The following NLN variants were observed in gnomAD, a reference collection of about 807,000 sequenced individuals.
The protein encoded by NLN is neurolysin.
In NLN, 64 loss-of-function variants were observed where a neutral mutation model predicts 79.9. The observed-to-expected ratio is 0.80, with a 90% CI of 0.65 to 0.99. NLN has a LOEUF of 0.99. Among genes scored for constraint, NLN ranks in the 50% least tolerant of loss-of-function variants. NLN has a pLI of 0.00. For synonymous variants in NLN, 267 were observed against 296.6 expected (o/e 0.90, Z 1.02); for missense variants, 835 against 858.7 (o/e 0.97, Z 0.34).
At chr5:65,778,188 G>A (rs1192867997) in intron 4 of NLN, among the ~76,000 whole-genome samples, 1 of 152,170 alleles carries the variant, frequency 6.6e-6, no homozygotes, top group Non-Finnish European at 1.5e-5. Flanking sequence ...CTTAAAAGAT[G>A]AGAGATTAGC....
chr5:65,761,218 T>C (rs1230720299), intron 2 of NLN, among the ~76,000 whole-genome samples: 1 of 152,186 alleles, frequency 6.6e-6, no homozygotes, highest in Non-Finnish European at 1.5e-5. Context: ...GCATTTGATG[T>C]TGCTTATATA....
At chr5:65,769,011 G>T (rs1005573141) in intron 3 of NLN, among the ~76,000 whole-genome samples, 3 of 152,230 alleles carry the variant, frequency 2.0e-5, no homozygotes, top group Non-Finnish European at 4.4e-5. Context: ...GGTTAATTTG[G>T]GCTTCCTTAC....
chr5:65,801,072 G>T (rs1451360897), intron 9 of NLN, among the ~76,000 whole-genome samples: 1 of 151,930 alleles, frequency 6.6e-6, no homozygotes, highest in Non-Finnish European at 1.5e-5. Context: ...TGTTTTCTAG[G>T]CTTTTGTTAT....
intron 12 of NLN, 80 bp downstream of exon 12, chr5:65,812,471 A>G (rs1760575440): frequency 2.1e-6 from 2 of 973,866 alleles, no homozygotes; most frequent in South Asian, 1.5e-5. Context: ...TATTGGTCAC[A>G]TCTAGATTTT....
chr5:65,761,703 A>C (rs1759344518), intron 2 of NLN, among the ~76,000 whole-genome samples: 1 of 152,236 alleles, frequency 6.6e-6, no homozygotes, highest in Non-Finnish European at 1.5e-5. Flanking sequence ...ACCGACAGAC[A>C]TAAAATTATT....
chr5:65,788,097 A>G (rs373871307), intron 7 of NLN, 21 bp from the exon 8 acceptor site: 4 of 1,599,996 alleles, frequency 2.5e-6, no homozygotes, highest in African/African-American at 2.7e-5. Context: ...GTAGATCACT[A>G]ACTTTTCCTT....
chr5:65,788,112 T>G lies in NLN; in HGVS notation c.959-6T>G. 2 of 1,608,586 alleles carry G rather than the reference T, an allele frequency of 1.2e-6. No individual in the cohort carries two copies. Among genetic ancestry groups the G allele is most frequent in the Non-Finnish European group, 8.5e-7 (1 of 1,177,976 alleles). The stretch of plus-strand genomic sequence containing the variant: ...GTAGATCACTAACTTTTCCTTTTCC[T>G]TACAGATGATTTAAGCCAGAAGTTA... On this transcript the variant is annotated splice_region_variant and splice_polypyrimidine_tract_variant and intron_variant, in intron 7 of 12. Coordinates refer to ENST00000380985, the MANE Select transcript of NLN (RefSeq NM_020726.5).
rs575399740 is a variant in NLN at position 65,821,179 on chromosome 5, G to A, written c.1981-1602G>A. On this transcript the variant is annotated intron_variant, in intron 12 of 12. Transcript: ENST00000380985. Reference sequence around the variant, plus strand: ...CTCGTCGTCAGGTTTGGGAAGTTCGGTATCAGTGACTGAGTGCCTTCTCTT... The same window carrying A: ...CTCGTCGTCAGGTTTGGGAAGTTCGATATCAGTGACTGAGTGCCTTCTCTT... 2.0e-5 allele frequency among the ~76,000 whole-genome samples: 3 copies of A among 152,230 alleles called. 1 individual carries two copies. The highest frequency in any genetic ancestry group is 7.2e-5 in the African/African-American group (3 of 41,540).
At chr5:65,758,848 A>T in intron 2 of NLN, 22 bp downstream of exon 2, 1 of 1,592,236 alleles carries the variant, frequency 6.3e-7, no homozygotes, top group Non-Finnish European at 8.6e-7. Flanking sequence ...GCAGAAGCAT[A>T]TCAGTGTTTC....
intron 1 of NLN, among the ~76,000 whole-genome samples, chr5:65,736,875 A>G (rs1758738899): frequency 6.6e-6 from 1 of 152,112 alleles, no homozygotes; most frequent in Non-Finnish European, 1.5e-5. Flanking sequence ...CTGAGGCAAG[A>G]GCATTACTTA....
intron 3 of NLN, among the ~76,000 whole-genome samples, chr5:65,765,721 A>G (rs1031809850): frequency 1.3e-5 from 2 of 151,782 alleles, no homozygotes; most frequent in Non-Finnish European, 2.9e-5. Flanking sequence ...AAAGAAAAAA[A>G]AAAAAATCCA....
chr5:65,807,729 C>T (rs964464270), intron 9 of NLN, among the ~76,000 whole-genome samples: 3 of 152,140 alleles, frequency 2.0e-5, no homozygotes, highest in Non-Finnish European at 4.4e-5. Flanking sequence ...CGTGAGTCAC[C>T]GCACCAGCCA....
At chr5:65,803,283 A>T (rs1436868968) in intron 9 of NLN, among the ~76,000 whole-genome samples, 1 of 152,176 alleles carries the variant, frequency 6.6e-6, no homozygotes, top group East Asian at 1.9e-4. Flanking sequence ...TATGGTGCCC[A>T]GGCTGTTCAT....
intron 1 of NLN, among the ~76,000 whole-genome samples, chr5:65,749,542 G>A (rs1487600099): frequency 3.3e-5 from 5 of 152,152 alleles, no homozygotes; most frequent in Admixed American, 2.0e-4. Flanking sequence ...GTAGGGTAGG[G>A]GGTTGAGTGT....
At chr5:65,774,423 G>A (rs1347187935) in intron 3 of NLN, among the ~76,000 whole-genome samples, 7 of 152,200 alleles carry the variant, frequency 4.6e-5, no homozygotes, top group Non-Finnish European at 2.9e-5. Flanking sequence ...TGCAATTACA[G>A]CAAGACAGTC....
chr5:65,784,103 T>G (rs1167505335), intron 6 of NLN, among the ~76,000 whole-genome samples: 1 of 152,178 alleles, frequency 6.6e-6, no homozygotes, highest in Non-Finnish European at 1.5e-5. Flanking sequence ...AACTAGTAAA[T>G]GGTGGAACCA....
At chr5:65,772,695 G>A (rs2150752857) in intron 3 of NLN, among the ~76,000 whole-genome samples, 1 of 150,882 alleles carries the variant, frequency 6.6e-6, no homozygotes, top group East Asian at 1.9e-4. Context: ...TTTGGTTTTG[G>A]GGTTTTTGTT....
chr5:65,793,630 TA>T (rs57674135), intron 9 of NLN: 64,486 of 142,732 alleles, frequency 0.45, 14,248 homozygotes, highest in Non-Finnish European at 0.49. Context: ...GACCTTGACT[TA>T]AAAAAAAAAA....
chr5:65,789,831 T>A (rs561817278), intron 8 of NLN, among the ~76,000 whole-genome samples: 93 of 152,344 alleles, frequency 6.1e-4, no homozygotes, highest in Non-Finnish European at 9.4e-4. Flanking sequence ...CTCCCTTCAG[T>A]CTGGCTGAGA....
Sources: allele counts gnomAD v4.1 joint callset (sites outside exome capture counted in the v4.1 genomes callset), GRCh38; gene constraint gnomAD v4.1.1; transcripts MANE v1.5; gene names NCBI Gene and HGNC (gene_info 2026-07-23, HGNC 2026-07-21).